The following PITPNM3 variants were observed in gnomAD, a reference collection of about 807,000 sequenced individuals.
The protein encoded by PITPNM3 is membrane-associated phosphatidylinositol transfer protein 3.
Under a neutral mutation model 102.0 loss-of-function variants are expected in PITPNM3, and 26 were observed. That is an observed-to-expected ratio of 0.25 (90% CI 0.19 to 0.35). PITPNM3 has a LOEUF of 0.35. Ranked by LOEUF, PITPNM3 falls within the 10% of genes least tolerant of loss-of-function variation. PITPNM3 has a pLI of 1.00. For synonymous variants in PITPNM3, 578 were observed against 558.6 expected, an observed-to-expected ratio of 1.03 and a Z score of -0.49; for missense variants, 1,083 against 1,346.1, an observed-to-expected ratio of 0.80 and a Z score of 3.06.
chr17:6,505,194 A>AT (rs1907418882), intron 3 of PITPNM3, among the ~76,000 whole-genome samples: 1 of 99,060 alleles, frequency 1.0e-5, no homozygotes, highest in African/African-American at 3.7e-5. Context: ...AAGACAAATA[A>AT]AATATATATA....
At position 6,468,394 on chromosome 17, in the gene PITPNM3, C is replaced by G; in HGVS notation, c.1774-53G>C. 2.5e-6 allele frequency: 4 copies of G among 1,570,164 alleles called. No homozygotes were observed. The highest frequency in any genetic ancestry group is 2.6e-6 in the Non-Finnish European group (3 of 1,140,886). On this transcript the variant is annotated intron_variant, in intron 13 of 19. Transcript: ENST00000262483. The surrounding 1 kb of genome is among the most constrained non-coding windows in gnomAD (Gnocchi z 5.2). ...TCAGGTCTTCTGGCTTCTCTGCTTCCCTCCCAGGGTGTCAGTGCCCACCAG... is the reference window on the plus strand; with the variant it reads ...TCAGGTCTTCTGGCTTCTCTGCTTCGCTCCCAGGGTGTCAGTGCCCACCAG...
chr17:6,544,652 T>TCACACA lies in PITPNM3; in HGVS notation c.23-6571_23-6570insTGTGTG, dbSNP rs1381269734. Among the ~76,000 whole-genome samples, 221 of 70,290 alleles carry TCACACA rather than the reference T, an allele frequency of 3.1e-3. 1 individual carries two copies. Among genetic ancestry groups the TCACACA allele is most frequent in the African/African-American group, 0.017 (209 of 12,496 alleles). The allele number at this position is 70,290 out of a possible 152,430, so 46.1% of individuals were successfully genotyped here. ...CTCTCTCTCTCTCTCTCTCTCTCTC[T>TCACACA]CTCACACACACACACACACACACAC... On this transcript the variant is annotated intron_variant, in intron 1 of 19. Coordinates refer to ENST00000262483, the MANE Select transcript of PITPNM3 (RefSeq NM_031220.4).
chr17:6,543,892 A>G (rs114340149), intron 1 of PITPNM3, among the ~76,000 whole-genome samples: 2,798 of 152,262 alleles, frequency 0.018, 83 homozygotes, highest in African/African-American at 0.063. Flanking sequence ...GGCAGGTGGG[A>G]GGAAGGGAGA....
At position 6,461,661 on chromosome 17, in the gene PITPNM3, G is replaced by A. The variant is rs1904467004; in HGVS notation, c.2307-105C>T. 31 of 1,323,692 alleles carry A rather than the reference G, an allele frequency of 2.3e-5. 1 individual carries two copies. In the Middle Eastern group the frequency reaches 2.8e-3, roughly 119 times the overall value. 82.0% of individuals were successfully genotyped at this position (1,323,692 alleles called of 1,614,324 possible). A position where few individuals can be genotyped will look rare whatever the true frequency, so the allele number is the denominator to read the frequency against. ...TGCCCTCCTGAGACGTCAGAGGGAC[G>A]AGTCTGAGGCGTGCTAGGGAGAACA... On this transcript the variant is annotated intron_variant, in intron 17 of 19. Coordinates refer to ENST00000262483, the MANE Select transcript of PITPNM3 (RefSeq NM_031220.4).
chr17:6,451,706 GTGTCT>G lies in PITPNM3; in HGVS notation c.*3627_*3631del, dbSNP rs1181031370. On this transcript the variant is annotated 3_prime_UTR_variant, in exon 20 of 20. Coordinates refer to ENST00000262483, the MANE Select transcript of PITPNM3 (RefSeq NM_031220.4). ...AGATTTTCCTCCCAACTGCCTGTTA[GTGTCT>G]CAACAAGGAGAGCAGAGCCCAGGTC... is the stretch of plus-strand genomic sequence containing the variant. 6 of 152,358 alleles carry G rather than the reference GTGTCT, an allele frequency of 3.9e-5. No individual in the cohort carries two copies. The East Asian group carries it at 1.2e-3, about 29-fold the overall frequency. 9.4% of individuals were successfully genotyped at this position (152,358 alleles called of 1,614,324 possible).
At chr17:6,492,901 C>G (rs1906579899) in intron 4 of PITPNM3, among the ~76,000 whole-genome samples, 1 of 151,768 alleles carries the variant, frequency 6.6e-6, no homozygotes, top group Non-Finnish European at 1.5e-5. Flanking sequence ...AGTAAGCCTT[C>G]CAAGGACTTA....
rs1567670280 is a variant in PITPNM3, at chr17:6,482,030, C to CTG, written c.587+1486_587+1487insCA. Among the ~76,000 whole-genome samples the CTG allele has an allele frequency of 9.5e-4, 82 of 86,650 alleles. 4 individuals are homozygous for CTG. Among genetic ancestry groups the CTG allele is most frequent in the Non-Finnish European group, 1.4e-3 (61 of 42,210 alleles). 56.8% of individuals were successfully genotyped at this position (86,650 alleles called of 152,430 possible). On this transcript the variant is annotated intron_variant, in intron 6 of 19. Transcript: ENST00000262483. ...TCTCTCTCTCTCTCTCTCTCTCTCT[C>CTG]TCTCTGTCTGTCTCTCTCTCTCTCT...
chr17:6,513,254 A>C (rs531058899), intron 3 of PITPNM3, among the ~76,000 whole-genome samples: 1 of 152,292 alleles, frequency 6.6e-6, no homozygotes, highest in East Asian at 1.9e-4. Flanking sequence ...ATAAAACAAG[A>C]TGTCTGCTCT....
chr17:6,474,667 T>TCA (rs1905223552), intron 9 of PITPNM3, 63 bp from the exon 10 acceptor site: 3 of 1,505,152 alleles, frequency 2.0e-6, no homozygotes, highest in Non-Finnish European at 2.7e-6. Context: ...GCGGGAGTGT[T>TCA]CACACAGCAG....
chr17:6,484,657 C>T (rs369246224), intron 4 of PITPNM3, among the ~76,000 whole-genome samples: 1 of 152,206 alleles, frequency 6.6e-6, no homozygotes, highest in Admixed American at 6.5e-5. Flanking sequence ...TGAGCAAAGC[C>T]TCCCGCTGAG....
intron 3 of PITPNM3, among the ~76,000 whole-genome samples, chr17:6,508,712 A>C (rs1260409021): frequency 6.6e-6 from 1 of 152,194 alleles, no homozygotes. Flanking sequence ...GCGCAGCCTG[A>C]GCCAGGCATC....
Position 6,472,564 on chromosome 17 carries a change from G to T in PITPNM3, c.1429+93C>A. 1 of 1,471,022 alleles carries T rather than the reference G, an allele frequency of 6.8e-7. No individual in the cohort carries two copies. The allele number at this position is 1,471,022 out of a possible 1,614,324, so 91.1% of individuals were successfully genotyped here. A position where few individuals can be genotyped will look rare whatever the true frequency, so the allele number is the denominator to read the frequency against. On this transcript the variant is annotated intron_variant, in intron 11 of 19. Coordinates refer to ENST00000262483, the MANE Select transcript of PITPNM3 (RefSeq NM_031220.4). The surrounding 1 kb of genome is among the most constrained non-coding windows in gnomAD (Gnocchi z 4.1). ...CTGTTCTCACAGCCCCTGCTCAGGT[G>T]AGTCACCCTACTCACTGAGAGCTTG...
intron 3 of PITPNM3, among the ~76,000 whole-genome samples, chr17:6,507,482 G>C (rs934438794): frequency 6.6e-6 from 1 of 152,110 alleles, no homozygotes; most frequent in African/African-American, 2.4e-5. Flanking sequence ...TACTAGGGAG[G>C]CTGAGGCAGG....
chr17:6,461,686 A>G, intron 17 of PITPNM3, 130 bp from the exon 18 acceptor site: 1 of 1,083,470 alleles, frequency 9.2e-7, no homozygotes, highest in South Asian at 1.3e-5. Context: ...TAGGGAGAAC[A>G]AGGGGGACCC....
intron 1 of PITPNM3, among the ~76,000 whole-genome samples, chr17:6,546,301 C>T (rs1484911939): frequency 6.6e-6 from 1 of 152,238 alleles, no homozygotes; most frequent in Non-Finnish European, 1.5e-5. Context: ...TGCCCGAGTA[C>T]GCTGCATCTG....
rs1285188876 is a variant in PITPNM3 at position 6,470,836 on chromosome 17, A to G, written c.1624+325T>C. The stretch of plus-strand genomic sequence containing the variant: ...TTGAGGTCAAAGCTCAGACCCTGTC[A>G]GGGATCAGGGGTCACTGCTCTCCTC... On this transcript the variant is annotated intron_variant, in intron 12 of 19. Coordinates refer to ENST00000262483, the MANE Select transcript of PITPNM3 (RefSeq NM_031220.4). The surrounding 1 kb of genome is among the most constrained non-coding windows in gnomAD (Gnocchi z 4.8). Among the ~76,000 whole-genome samples, 2 of 152,172 alleles carry G rather than the reference A, an allele frequency of 1.3e-5. No homozygotes were observed. The highest frequency in any genetic ancestry group is 1.3e-4 in the Admixed American group (2 of 15,274).
At position 6,470,048 on chromosome 17, in the gene PITPNM3, G is replaced by T. The variant is rs570198369; in HGVS notation, c.1773+212C>A. 6.6e-5 allele frequency among the ~76,000 whole-genome samples: 10 copies of T among 152,316 alleles called. No homozygotes were observed. Among genetic ancestry groups the T allele is most frequent in the African/African-American group, 2.4e-4 (10 of 41,568 alleles). On this transcript the variant is annotated intron_variant, in intron 13 of 19. Transcript: ENST00000262483. This position sits in a 1 kb window ranked among gnomAD's most constrained non-coding sequence, Gnocchi z 4.8. ...TTAATTTTCTAGAGTGTACCATGCC[G>T]TCAGCCACCCAGGAGCCAATGTCTT...
chr17:6,497,206 G>A (rs906951637), intron 4 of PITPNM3, among the ~76,000 whole-genome samples: 3 of 152,172 alleles, frequency 2.0e-5, no homozygotes, highest in East Asian at 3.9e-4. Context: ...GGGGCTTCAC[G>A]CATCCTGTCT....
rs1403898118 is a variant in PITPNM3 at position 6,451,282 on chromosome 17, T to C, written c.*4056A>G. 4 of 152,226 alleles carry C rather than the reference T, an allele frequency of 2.6e-5. No individual in the cohort carries two copies. Among genetic ancestry groups the C allele is most frequent in the Non-Finnish European group, 5.9e-5 (4 of 68,046 alleles). The allele number at this position is 152,226 out of a possible 1,614,324, so 9.4% of individuals were successfully genotyped here. On this transcript the variant is annotated 3_prime_UTR_variant, in exon 20 of 20. Coordinates refer to ENST00000262483, the MANE Select transcript of PITPNM3 (RefSeq NM_031220.4). ...ACATTGTAAAGGCAAAGAAGGTTTTTATTTAAGTGACAACATTTGAGAGCT... is the reference window on the plus strand; with the variant it reads ...ACATTGTAAAGGCAAAGAAGGTTTTCATTTAAGTGACAACATTTGAGAGCT...
Sources: allele counts gnomAD v4.1 joint callset (sites outside exome capture counted in the v4.1 genomes callset), GRCh38; gene constraint gnomAD v4.1.1; non-coding constraint Gnocchi (gnomAD v3.1); transcripts MANE v1.5; gene names NCBI Gene and HGNC (gene_info 2026-07-23, HGNC 2026-07-21).